STAT5A: variants seen among roughly 807,000 people sequenced by gnomAD.
The protein encoded by STAT5A is epididymis secretory sperm binding protein.
STAT5A carries 26 observed loss-of-function variants against 100.2 expected under a neutral mutation model. That is an observed-to-expected ratio of 0.26 (90% CI 0.19 to 0.36). STAT5A has a LOEUF of 0.36. Ranked by LOEUF, STAT5A falls within the 10% of genes least tolerant of loss-of-function variation. The probability of loss-of-function intolerance (pLI) is 1.00; values close to 1 mark genes in which losing one functional copy is unlikely to be tolerated. For missense variants in STAT5A, 634 were observed against 1,027.5 expected (o/e 0.62, Z 5.24); for synonymous variants, 330 against 424.3 (o/e 0.78, Z 2.73).
At chr17:42,305,576 GC>G in intron 11 of STAT5A, 33 bp from the exon 12 acceptor site, 2 of 1,592,020 alleles carry the variant, frequency 1.3e-6, no homozygotes, top group Non-Finnish European at 1.7e-6. Context: ...TGGTGGTCAC[GC>G]CCCATCAACT....
chr17:42,306,355 C>G lies in STAT5A; in HGVS notation c.1588C>G (p.Leu530Val). The change falls in exon 13 of 19, where the codon CTC becomes GTC. Residue 530 changes from leucine to valine, a missense_variant. Around this residue, in one of 5 missense-constraint regions of STAT5A, gnomAD observed 210 missense variants for 428.4 expected, o/e 0.49. Coordinates refer to ENST00000590949, the MANE Select transcript of STAT5A (RefSeq NM_001288718.2). Reference protein sequence around the residue: ...QSNRGLTKENLVFLAQKLFNN... With the variant: ...QSNRGLTKENVVFLAQKLFNN... ...CAACCGGGGCCTGACCAAGGAGAAC[C>G]TCGTGTTCCTGGCGCAGAAACTGTT... 6.2e-7 allele frequency: 1 copy of G among 1,614,146 alleles called. No individual in the cohort carries two copies. The highest frequency in any genetic ancestry group is 2.2e-5 in the East Asian group (1 of 44,882).
rs201255223 is a variant in STAT5A, at chr17:42,303,246, CA to C, written c.1170-1086del. On this transcript the variant is annotated intron_variant, in intron 9 of 18. Transcript: ENST00000590949. ...GGGCAACAAAAGCAAGACTCTGTTT[CA>C]AAAAAAAAAGTTTACTGATTTCCTA... Among the ~76,000 whole-genome samples, 12 of 148,374 alleles carry C rather than the reference CA, an allele frequency of 8.1e-5. 1 individual carries two copies. Among genetic ancestry groups the C allele is most frequent in the Admixed American group, 6.0e-4 (9 of 14,908 alleles).
Position 42,308,614 on chromosome 17 carries a change from G to A in STAT5A, c.2062+281G>A. 1.9e-6 allele frequency: 1 copy of A among 524,494 alleles called. No homozygotes were observed. The highest frequency in any genetic ancestry group is 3.4e-6 in the Non-Finnish European group (1 of 292,368). The allele number at this position is 524,494 out of a possible 1,614,324, so 32.5% of individuals were successfully genotyped here. A position where few individuals can be genotyped will look rare whatever the true frequency, so the allele number is the denominator to read the frequency against. ...AGGGGTGGCAGCACTGTAGGGAGTGGCCGGGATCATTCGAGCCCACAGATA... is the reference window on the plus strand; with the variant it reads ...AGGGGTGGCAGCACTGTAGGGAGTGACCGGGATCATTCGAGCCCACAGATA... On this transcript the variant is annotated intron_variant, in intron 16 of 18. Coordinates refer to ENST00000590949, the MANE Select transcript of STAT5A (RefSeq NM_001288718.2). This position sits in a 1 kb window ranked among gnomAD's most constrained non-coding sequence, Gnocchi z 4.6.
chr17:42,289,517 C>T lies in STAT5A; in HGVS notation c.106C>T (p.Gln36Ter), dbSNP rs2080848892. 1.2e-6 allele frequency: 2 copies of T among 1,613,022 alleles called. No individual in the cohort carries two copies. The highest frequency in any genetic ancestry group is 3.3e-5 in the Admixed American group (2 of 59,992). Residue 36 changes from glutamine to a stop codon, truncating the protein, a stop_gained, in exon 2 of 19, where the codon CAG becomes TAG. Coordinates refer to ENST00000590949, the MANE Select transcript of STAT5A (RefSeq NM_001288718.2). LOFTEE classifies it high-confidence loss of function. Reference sequence around the variant, plus strand: ...CATCGAGGTCCGGCACTACTTGGCCCAGTGGATTGAGAGCCAGCCATGGTA... The same window carrying T: ...CATCGAGGTCCGGCACTACTTGGCCTAGTGGATTGAGAGCCAGCCATGGTA... ...FPIEVRHYLA[Q>*]WIESQPWDAI... is the part of the protein sequence containing the mutation.
chr17:42,306,364 C>T lies in STAT5A; in HGVS notation c.1597C>T (p.Leu533=), dbSNP rs1567693655. 1.2e-6 allele frequency: 2 copies of T among 1,614,174 alleles called. No homozygotes were observed. The highest frequency in any genetic ancestry group is 1.1e-5 in the South Asian group (1 of 91,074). Residue 533 remains leucine (L), a synonymous_variant, in exon 13 of 19, where the codon CTG becomes TTG. Transcript: ENST00000590949. The part of the protein sequence containing the change: ...RGLTKENLVF[L]AQKLFNNSSS... ...CCTGACCAAGGAGAACCTCGTGTTCCTGGCGCAGAAACTGTTCAACAACAG... is the reference window on the plus strand; with the variant it reads ...CCTGACCAAGGAGAACCTCGTGTTCTTGGCGCAGAAACTGTTCAACAACAG...
rs2080854733 is a variant in STAT5A, at chr17:42,289,971, A to C, written c.234A>C (p.Glu78Asp). 5 of 1,612,706 alleles carry C rather than the reference A, an allele frequency of 3.1e-6. No individual in the cohort carries two copies. Among genetic ancestry groups the C allele is most frequent in the Non-Finnish European group, 4.2e-6 (5 of 1,179,538 alleles). ...LQKKAEHQVG[E>D]DGFLLKIKLG... The stretch of plus-strand genomic sequence containing the variant: ...AGAAGGCGGAGCACCAGGTGGGGGA[A>C]GATGGGTTTTTACTGAAGATCAAGC... The change falls in exon 3 of 19, where the codon GAA becomes GAC. Residue 78 changes from glutamate (E) to aspartate (D), a missense_variant. Physicochemically the swap from Glu to Asp is conservative, Grantham distance 45. This residue lies in a region of STAT5A where 207 missense variants were observed against 256.6 expected (regional missense o/e 0.81). Transcript: ENST00000590949.
chr17:42,289,985 T>C lies in STAT5A; in HGVS notation c.248T>C (p.Leu83Pro). Residue 83 changes from leucine (L) to proline (P), a missense_variant, in exon 3 of 19, where the codon CTG becomes CCG. Around this residue, in one of 5 missense-constraint regions of STAT5A, gnomAD observed 207 missense variants for 256.6 expected, o/e 0.81. Coordinates refer to ENST00000590949, the MANE Select transcript of STAT5A (RefSeq NM_001288718.2). ...EHQVGEDGFL[L>P]KIKLGHYATQ... is the part of the protein sequence containing the mutation. ...CAGGTGGGGGAAGATGGGTTTTTAC[T>C]GAAGATCAAGCTGGGGCACTACGCC... 6.2e-7 allele frequency: 1 copy of C among 1,613,062 alleles called. No homozygotes were observed.
intron 13 of STAT5A, among the ~76,000 whole-genome samples, chr17:42,306,729 T>A (rs2081032785): frequency 6.6e-6 from 1 of 152,090 alleles, no homozygotes; most frequent in Non-Finnish European, 1.5e-5. Flanking sequence ...ATTTTCTTTT[T>A]TTTTTTTAGA....
At chr17:42,293,853 T>C (rs777932463) in intron 4 of STAT5A, among the ~76,000 whole-genome samples, 1 of 152,208 alleles carries the variant, frequency 6.6e-6, no homozygotes, top group Non-Finnish European at 1.5e-5. Context: ...CTTATCACAT[T>C]GGAAGACTTG....
chr17:42,305,684 C>T lies in STAT5A; in HGVS notation c.1455C>T (p.Asp485=). The change falls in exon 12 of 19, where the codon GAC becomes GAT. Residue 485 remains aspartate (D), a synonymous_variant. Transcript: ENST00000590949. ...ATGCCACGGCTACTGTGCTGTGGGA[C>T]AATGCCTTTGCTGAGCCGGTGAGTC... ...DHNATATVLW[D]NAFAEPGRVP... The T allele has an allele frequency of 6.2e-7, 1 of 1,614,102 alleles. No homozygotes were observed. The highest frequency in any genetic ancestry group is 8.5e-7 in the Non-Finnish European group (1 of 1,180,006).
In STAT5A at chr17:42,308,388, C is replaced by T; in HGVS notation, c.2062+55C>T. On this transcript the variant is annotated intron_variant, in intron 16 of 18. Transcript: ENST00000590949. The surrounding 1 kb of genome is among the most constrained non-coding windows in gnomAD (Gnocchi z 4.6). ...GACTCCCCCGGGCTCTTCCCCAGCC[C>T]ATAGACAAAGCCTTGGGCTGCGCCG... The T allele has an allele frequency of 1.2e-6, 2 of 1,612,524 alleles. No individual in the cohort carries two copies. Among genetic ancestry groups the T allele is most frequent in the East Asian group, 2.2e-5 (1 of 44,852 alleles).
At chr17:42,306,548 C>T (rs1463923574) in intron 13 of STAT5A, 101 bp downstream of exon 13, 8 of 1,514,080 alleles carry the variant, frequency 5.3e-6, no homozygotes, top group Non-Finnish European at 6.3e-6. Flanking sequence ...CCCCACTCTC[C>T]ACCCCCAACC....
At chr17:42,289,823 A>G (rs752759581) in intron 2 of STAT5A, 43 bp from the exon 3 acceptor site, 4 of 1,471,692 alleles carry the variant, frequency 2.7e-6, no homozygotes, top group South Asian at 2.8e-5. Flanking sequence ...TCCTTGCCCA[A>G]GGAGGTGCCA....
intron 17 of STAT5A, 51 bp downstream of exon 17, chr17:42,309,149 C>G (rs766825433): frequency 3.1e-6 from 5 of 1,612,492 alleles, no homozygotes; most frequent in African/African-American, 1.3e-5. Context: ...CCTCCTCCCC[C>G]AGACCCTGCC....
intron 2 of STAT5A, 129 bp from the exon 3 acceptor site, chr17:42,289,737 G>A (rs2080851774): frequency 1.1e-5 from 15 of 1,398,868 alleles, no homozygotes; most frequent in Non-Finnish European, 1.3e-5. Context: ...TGGAGCTGCT[G>A]GGAACAAGTC....
At chr17:42,298,810 C>G (rs972207067) in intron 5 of STAT5A, among the ~76,000 whole-genome samples, 3 of 152,158 alleles carry the variant, frequency 2.0e-5, no homozygotes, top group African/African-American at 4.8e-5. Flanking sequence ...TTTTTAAAAG[C>G]TAGTGAGGCC....
At chr17:42,309,175 G>A in intron 17 of STAT5A, 77 bp downstream of exon 17, 1 of 1,611,204 alleles carries the variant, frequency 6.2e-7, no homozygotes, top group Non-Finnish European at 8.5e-7. Flanking sequence ...TCCTGATCCT[G>A]GGCCCAGCTT....
At chr17:42,291,918 C>T in intron 3 of STAT5A, 54 bp from the exon 4 acceptor site, 1 of 1,592,174 alleles carries the variant, frequency 6.3e-7, no homozygotes, top group Non-Finnish European at 8.6e-7. Context: ...TAGCATGGGG[C>T]TGGCATGGCT....
Position 42,292,003 on chromosome 17 carries a change from T to G in STAT5A, c.317T>G (p.Val106Gly). The G allele has an allele frequency of 6.2e-7, 1 of 1,614,018 alleles. No homozygotes were observed. The highest frequency in any genetic ancestry group is 8.5e-7 in the Non-Finnish European group (1 of 1,179,944). The change falls in exon 4 of 19, where the codon GTC (valine) becomes GGC (glycine). Residue 106 changes from valine (V) to glycine (G), a missense_variant. Val to Gly is a moderately radical substitution (Grantham distance 109). Around this residue, in one of 5 missense-constraint regions of STAT5A, gnomAD observed 207 missense variants for 256.6 expected, o/e 0.81. Coordinates refer to ENST00000590949, the MANE Select transcript of STAT5A (RefSeq NM_001288718.2). Reference sequence around the variant, plus strand: ...TATGACCGCTGCCCCCTGGAGCTGGTCCGCTGCATCCGGCACATTCTGTAC... The same window carrying G: ...TATGACCGCTGCCCCCTGGAGCTGGGCCGCTGCATCCGGCACATTCTGTAC... ...KTYDRCPLEL[V>G]RCIRHILYNE...
Sources: gnomAD v4.1 joint callset for allele counts (sites outside exome capture counted in the v4.1 genomes callset) on GRCh38, gnomAD v4.1.1 for gene constraint, gnomAD v4.1.1 regional missense constraint, Gnocchi (gnomAD v3.1) non-coding constraint, MANE v1.5 for transcripts, NCBI Gene and HGNC (gene_info 2026-07-23, HGNC 2026-07-21) for gene names.